NEB: variants seen among roughly 807,000 people sequenced by gnomAD.
The protein encoded by NEB is nebulin.
A neutral mutation model predicts 952.2 loss-of-function variants in NEB; 512 were observed. That is an observed-to-expected ratio of 0.54 (90% CI 0.50 to 0.58). The LOEUF (loss-of-function observed/expected upper bound fraction) is 0.58, where lower values mean the gene tolerates loss of function less well. Among genes scored for constraint, NEB ranks in the 20% least tolerant of loss-of-function variants. NEB has a pLI of 0.00. For missense variants in NEB, 8,428 were observed against 9,231.1 expected, an observed-to-expected ratio of 0.91 and a Z score of 3.56; for synonymous variants, 2,900 against 3,149.8, an observed-to-expected ratio of 0.92 and a Z score of 2.66.
intron 117 of NEB, among the ~76,000 whole-genome samples, chr2:151,564,158 A>ATTTTT (rs1255885444): frequency 6.6e-6 from 1 of 151,648 alleles, no homozygotes; most frequent in Non-Finnish European, 1.5e-5. Flanking sequence ...ATTTTATTTT[A>ATTTTT]TTTTTATGTT....
intron 10 of NEB, among the ~76,000 whole-genome samples, chr2:151,715,475 TA>T (rs1390919354): frequency 2.0e-5 from 3 of 152,078 alleles, no homozygotes; most frequent in Non-Finnish European, 4.4e-5. Context: ...TACTTGAAGG[TA>T]AGGGGATTTG....
intron 121 of NEB, among the ~76,000 whole-genome samples, 186 bp downstream of exon 121, chr2:151,561,924 C>G (rs2096087568): frequency 6.6e-6 from 1 of 152,160 alleles, no homozygotes; most frequent in Non-Finnish European, 1.5e-5. Context: ...AAAGGAGAGA[C>G]TCAGACTGGG....
rs765222306 is a variant in NEB, at chr2:151,618,281, C to G, written c.11070G>C (p.Met3690Ile). The change falls in exon 74 of 182, where the codon ATG (methionine) becomes ATC (isoleucine). Residue 3690 changes from methionine (M) to isoleucine (I), a missense_variant. Transcript: ENST00000397345. Reference sequence around the variant, plus strand: ...GTGAGGATTGAAGACTCACCTTATTCATGTTTAAAGCATTGTTTTTTGCCA... The same window carrying G: ...GTGAGGATTGAAGACTCACCTTATTGATGTTTAAAGCATTGTTTTTTGCCA... The part of the protein sequence containing the change: ...QVLAKNNALN[M>I]NKRLYTEAWD... The G allele has an allele frequency of 1.2e-6, 2 of 1,613,764 alleles. No individual in the cohort carries two copies. Among genetic ancestry groups the G allele is most frequent in the South Asian group, 2.2e-5 (2 of 91,066 alleles).
intron 161 of NEB, among the ~76,000 whole-genome samples, chr2:151,510,417 A>T (rs1176909231): frequency 6.6e-6 from 1 of 152,226 alleles, no homozygotes; most frequent in Non-Finnish European, 1.5e-5. Flanking sequence ...TAACTTAACC[A>T]TTCATTTAGT....
chr2:151,638,725 T>C lies in NEB; in HGVS notation c.8994+555A>G, dbSNP rs76860735. 1.4e-3 allele frequency among the ~76,000 whole-genome samples: 214 copies of C among 152,200 alleles called. 1 individual carries two copies. Among genetic ancestry groups the C allele is most frequent in the African/African-American group, 4.9e-3 (205 of 41,534 alleles). On this transcript the variant is annotated intron_variant, in intron 63 of 181. Transcript: ENST00000397345. Reference sequence around the variant, plus strand: ...TGCCTAAGCCTCTATGATTCTGGAATGATGGCACGTGGCCCTGTGCACACT... The same window carrying C: ...TGCCTAAGCCTCTATGATTCTGGAACGATGGCACGTGGCCCTGTGCACACT...
At position 151,639,039 on chromosome 2, in the gene NEB, G is replaced by T. The variant is rs151036013; in HGVS notation, c.8994+241C>A. On this transcript the variant is annotated intron_variant, in intron 63 of 181. Coordinates refer to ENST00000397345, the MANE Select transcript of NEB (RefSeq NM_001164508.2). ...TTCAAAAAAATAATAAAAGAAAATG[G>T]TCTACATAATCTCATGGTTACAGCT... Among the ~76,000 whole-genome samples the T allele has an allele frequency of 4.4e-3, 671 of 152,140 alleles. 3 individuals are homozygous for T. The highest frequency in any genetic ancestry group is 0.015 in the African/African-American group (628 of 41,498).
In NEB at chr2:151,667,839, C is replaced by T. The variant is rs915221327; in HGVS notation, c.4684G>A (p.Val1562Ile). Residue 1562 changes from valine (V) to isoleucine (I), a missense_variant, in exon 40 of 182, where the codon GTT (valine) becomes ATT (isoleucine). Around this residue, in one of 11 missense-constraint regions of NEB, gnomAD observed 2,851 missense variants for 2,791.5 expected, o/e 1.02. Transcript: ENST00000397345. ...YDLRPDAIPI[V>I]AAKSSRNIAS... The stretch of plus-strand genomic sequence containing the variant: ...ATATTCCTTGAACTTTTTGCAGCAA[C>T]AATTGGGATGGCATCTGGTCTCAAA... 2 of 1,612,542 alleles carry T rather than the reference C, an allele frequency of 1.2e-6. No homozygotes were observed. Among genetic ancestry groups the T allele is most frequent in the African/African-American group, 1.3e-5 (1 of 74,976 alleles).
At chr2:151,554,857 A>T in intron 125 of NEB, 74 bp downstream of exon 125, 1 of 1,100,650 alleles carries the variant, frequency 9.1e-7, no homozygotes, top group Non-Finnish European at 1.4e-6. Flanking sequence ...TTAGCACAAC[A>T]ATGAAATCAC....
rs1324851026 is a variant in NEB at position 151,684,827 on chromosome 2, T to C, written c.2786A>G (p.Asp929Gly). 5 of 1,613,252 alleles carry C rather than the reference T, an allele frequency of 3.1e-6. No individual in the cohort carries two copies. In the Admixed American group the frequency reaches 8.3e-5, roughly 27 times the overall value. Reference sequence around the variant, plus strand: ...CTTGGCAAGGTCCACATTGATGCTATCAGGGGGGTAGCTGTAACTGTGTAA... The same window carrying C: ...CTTGGCAAGGTCCACATTGATGCTACCAGGGGGGTAGCTGTAACTGTGTAA... ...HILHSYSYPP[D>G]SINVDLAKKA... Residue 929 changes from aspartate to glycine, a missense_variant, in exon 28 of 182, where the codon GAT becomes GGT. By Grantham distance (94) the Asp-to-Gly change is moderately conservative. This residue lies in a region of NEB where 2,851 missense variants were observed against 2,791.5 expected (regional missense o/e 1.02). Transcript: ENST00000397345.
chr2:151,490,124 T>C, intron 180 of NEB, 47 bp from the exon 181 acceptor site: 1 of 1,427,578 alleles, frequency 7.0e-7, no homozygotes, highest in East Asian at 2.3e-5. Context: ...AATGGCTAGG[T>C]ATCCTTTAAT....
intron 44 of NEB, among the ~76,000 whole-genome samples, 159 bp downstream of exon 44, chr2:151,664,342 G>A (rs749125049): frequency 3.9e-5 from 6 of 152,330 alleles, no homozygotes; most frequent in Non-Finnish European, 5.9e-5. Context: ...CAGATGATTA[G>A]AGGGTACTTG....
At chr2:151,632,163 A>T (rs4507102) in intron 65 of NEB, among the ~76,000 whole-genome samples, 36,986 of 151,444 alleles carry the variant, frequency 0.24, 5,427 homozygotes, top group Admixed American at 0.4. Flanking sequence ...TTATTAAAAA[A>T]TTTTTTTTTG....
At chr2:151,502,398 A>AACTT (rs2065357355) in intron 167 of NEB, among the ~76,000 whole-genome samples, 1 of 152,152 alleles carries the variant, frequency 6.6e-6, no homozygotes, top group Non-Finnish European at 1.5e-5. Context: ...AAAAAAAAAA[A>AACTT]AACTTAAAAG....
chr2:151,497,349 G>C, intron 171 of NEB: 25 of 982,392 alleles, frequency 2.5e-5, no homozygotes, highest in Non-Finnish European at 3.0e-5. Flanking sequence ...GAGACAGTTA[G>C]AACTCAGTGG....
At chr2:151,618,170 G>C in intron 74 of NEB, 105 bp downstream of exon 74, 2 of 989,344 alleles carry the variant, frequency 2.0e-6, no homozygotes, top group Non-Finnish European at 3.1e-6. Flanking sequence ...ATTTAAGAAG[G>C]TATCATAATG....
rs535926481 is a variant in NEB at position 151,625,593 on chromosome 2, T to C, written c.10393A>G (p.Ile3465Val). 144 of 1,606,950 alleles carry C rather than the reference T, an allele frequency of 9.0e-5. 2 individuals are homozygous for C. In the South Asian group the frequency reaches 1.6e-3, roughly 17 times the overall value. The change falls in exon 71 of 182, where the codon ATT (isoleucine) becomes GTT (valine). Residue 3465 changes from isoleucine to valine, a missense_variant. Ile to Val is a conservative substitution (Grantham distance 29). This residue lies in a region of NEB where 1,772 missense variants were observed against 1,960.3 expected (regional missense o/e 0.90). Coordinates refer to ENST00000397345, the MANE Select transcript of NEB (RefSeq NM_001164508.2). Reference protein sequence around the residue: ...AWDKDKTQVHIMPDTPEIMLA... With the variant: ...AWDKDKTQVHVMPDTPEIMLA... Reference sequence around the variant, plus strand: ...ATGATTTCAGGTGTATCAGGCATAATATGGACTTGGGTCTTGTCTTTGTCC... The same window carrying C: ...ATGATTTCAGGTGTATCAGGCATAACATGGACTTGGGTCTTGTCTTTGTCC...
chr2:151,511,768 G>A lies in NEB; in HGVS notation c.23346+965C>T, dbSNP rs534018522. Among the ~76,000 whole-genome samples, 3 of 152,312 alleles carry A rather than the reference G, an allele frequency of 2.0e-5. No homozygotes were observed. The East Asian group carries it at 5.8e-4, about 29-fold the overall frequency. On this transcript the variant is annotated intron_variant, in intron 161 of 181. Transcript: ENST00000397345. ...TCTATTTGTAGGAAGATGATGGAGA[G>A]TTATTCATCATGAGGGGAGTCAGGG...
chr2:151,621,070 A>T, intron 71 of NEB, 44 bp from the exon 72 acceptor site: 2 of 1,467,446 alleles, frequency 1.4e-6, no homozygotes, highest in East Asian at 2.4e-5. Context: ...ATTCACATTC[A>T]CTCGAAAAGT....
At chr2:151,578,722 G>GGAAGGAGGGAAGGAAGGAAGGAAA (rs1304639737) in intron 105 of NEB, among the ~76,000 whole-genome samples, 1 of 148,566 alleles carries the variant, frequency 6.7e-6, no homozygotes, top group African/African-American at 2.5e-5. Flanking sequence ...AAGGAAGGAA[G>GGAAGGAGGGAAGGAAGGAAGGAAA]GAGGGAAGGA....
Sources: allele counts gnomAD v4.1 joint callset (sites outside exome capture counted in the v4.1 genomes callset), GRCh38; gene constraint gnomAD v4.1.1; regional missense constraint gnomAD v4.1.1; transcripts MANE v1.5; gene names NCBI Gene and HGNC (gene_info 2026-07-23, HGNC 2026-07-21).